Variants in ELP4 observed in about 807,000 individuals in gnomAD.
ELP4 encodes the protein elongator acetyltransferase complex subunit 4, also known as elongator complex protein 4.
Under a neutral mutation model 48.9 loss-of-function variants are expected in ELP4, and 51 were observed. The observed-to-expected ratio is 1.04, with a 90% CI of 0.83 to 1.32. The LOEUF (loss-of-function observed/expected upper bound fraction) is 1.32, where lower values mean the gene tolerates loss of function less well. Among genes scored for constraint, ELP4 ranks in the 40% most tolerant of loss-of-function variants. The pLI is 0.00. For synonymous variants in ELP4, 210 were observed against 189.2 expected (o/e 1.11, Z -0.90); for missense variants, 519 against 514.6 (o/e 1.01, Z -0.08).
intron 9 of ELP4, among the ~76,000 whole-genome samples, chr11:31,781,739 C>T (rs1173303371): frequency 6.6e-6 from 1 of 151,886 alleles, no homozygotes; most frequent in Non-Finnish European, 1.5e-5. Flanking sequence ...CCTCATGATC[C>T]GCCTGCCTCA....
intron 9 of ELP4, among the ~76,000 whole-genome samples, chr11:31,739,325 A>G (rs1291593322): frequency 6.6e-6 from 1 of 152,186 alleles, no homozygotes; most frequent in Non-Finnish European, 1.5e-5. Flanking sequence ...TGTGAGACTG[A>G]TATTTATTAT....
chr11:31,536,201 A>T (rs1592092655), intron 2 of ELP4, among the ~76,000 whole-genome samples: 1 of 140,728 alleles, frequency 7.1e-6, no homozygotes, highest in African/African-American at 3.0e-5. Context: ...TTTGGCTATT[A>T]AAAAAAAAAG....
At chr11:31,709,690 C>T (rs1175627942) in intron 9 of ELP4, among the ~76,000 whole-genome samples, 1 of 152,054 alleles carries the variant, frequency 6.6e-6, no homozygotes, top group African/African-American at 2.4e-5. Flanking sequence ...ATAAAAATAC[C>T]TATTTTGTTC....
intron 9 of ELP4, among the ~76,000 whole-genome samples, chr11:31,752,053 G>T (rs73477614): frequency 0.029 from 4,451 of 152,210 alleles, 186 homozygotes; most frequent in Admixed American, 0.097. Flanking sequence ...ACTAGATAGG[G>T]ATAATACGGG....
chr11:31,604,057 G>GAAAAA, intron 5 of ELP4, 150 bp downstream of exon 5: 1 of 586,724 alleles, frequency 1.7e-6, no homozygotes, highest in Non-Finnish European at 2.6e-6. Flanking sequence ...TCAAGTCTAT[G>GAAAAA]TATTTTTCAT....
In ELP4 at chr11:31,702,290, G is replaced by A. The variant is rs546908610; in HGVS notation, c.1143+52069G>A. The stretch of plus-strand genomic sequence containing the variant: ...TGCACTCCAGTCTGGGCAACAGAGC[G>A]AGATCTTGTCTCTAAAAATAATAAT... On this transcript the variant is annotated intron_variant, in intron 9 of 9. Transcript: ENST00000640961. Among the ~76,000 whole-genome samples the A allele has an allele frequency of 8.1e-5, 12 of 148,068 alleles. No individual in the cohort carries two copies. The South Asian group carries it at 2.0e-3, about 24-fold the overall frequency.
intron 3 of ELP4, among the ~76,000 whole-genome samples, chr11:31,553,929 T>C (rs1452861135): frequency 1.3e-5 from 2 of 152,164 alleles, no homozygotes; most frequent in Non-Finnish European, 2.9e-5. Context: ...TTACAGCTGC[T>C]CCCCATTGCT....
chr11:31,629,764 ATT>A (rs60923235), intron 6 of ELP4, among the ~76,000 whole-genome samples: 3,430 of 132,926 alleles, frequency 0.026, 107 homozygotes, highest in African/African-American at 0.074. Flanking sequence ...TACTATCTAG[ATT>A]TTTTTTTTTT....
At chr11:31,585,276 A>G (rs1217898597) in intron 3 of ELP4, among the ~76,000 whole-genome samples, 1 of 152,144 alleles carries the variant, frequency 6.6e-6, no homozygotes, top group Non-Finnish European at 1.5e-5. Context: ...AATTTAAACA[A>G]ATGTTTCACA....
Position 31,526,633 on chromosome 11 carries a change from G to A in ELP4, c.259+6542G>A, listed in dbSNP as rs1592084137. Among the ~76,000 whole-genome samples the A allele has an allele frequency of 2.0e-5, 3 of 152,056 alleles. 1 individual carries two copies. In the South Asian group the frequency reaches 6.2e-4, roughly 32 times the overall value. ...TTTTATCAGAGGAGAATTCACCCAA[G>A]TTCCTAAAATCAATCCTCAAAACTT... On this transcript the variant is annotated intron_variant, in intron 2 of 9. Coordinates refer to ENST00000640961, the MANE Select transcript of ELP4 (RefSeq NM_019040.5).
In ELP4 at chr11:31,627,203, T is replaced by C; in HGVS notation, c.738+9T>C. 3.0e-6 allele frequency: 4 copies of C among 1,355,000 alleles called. No homozygotes were observed. Among genetic ancestry groups the C allele is most frequent in the Non-Finnish European group, 4.0e-6 (4 of 1,002,120 alleles). The allele number at this position is 1,355,000 out of a possible 1,614,324, so 83.9% of individuals were successfully genotyped here. ...ATGGATCCAATCCTCAGGTATTAAA[T>C]AGCTTCAAAGTCTTTTATAATTATT... On this transcript the variant is annotated intron_variant, in intron 6 of 9. Transcript: ENST00000640961.
intron 9 of ELP4, among the ~76,000 whole-genome samples, chr11:31,705,985 T>G (rs770489672): frequency 2.6e-4 from 40 of 152,140 alleles, no homozygotes; most frequent in Non-Finnish European, 5.6e-4. Flanking sequence ...CCTGAGTAAC[T>G]AGGACTGCAG....
At chr11:31,782,923 A>T (rs1289308074) in intron 9 of ELP4, among the ~76,000 whole-genome samples, 1 of 152,222 alleles carries the variant, frequency 6.6e-6, no homozygotes, top group East Asian at 1.9e-4. Flanking sequence ...CAACTAATAG[A>T]CAAAGACAAA....
In ELP4 at chr11:31,647,675, T is replaced by C; in HGVS notation, c.928-66T>C. On this transcript the variant is annotated intron_variant, in intron 7 of 9. Coordinates refer to ENST00000640961, the MANE Select transcript of ELP4 (RefSeq NM_019040.5). ...AGTTTTTCATGAGATGGCATAGGGATATTTTATAGATATTATACTATTAAC... is the reference window on the plus strand; with the variant it reads ...AGTTTTTCATGAGATGGCATAGGGACATTTTATAGATATTATACTATTAAC... 3 of 962,210 alleles carry C rather than the reference T, an allele frequency of 3.1e-6. No homozygotes were observed. In the South Asian group the frequency reaches 4.2e-5, roughly 13 times the overall value. The allele number at this position is 962,210 out of a possible 1,614,324, so 59.6% of individuals were successfully genotyped here. A position where few individuals can be genotyped will look rare whatever the true frequency, so the allele number is the denominator to read the frequency against.
intron 3 of ELP4, among the ~76,000 whole-genome samples, chr11:31,583,103 A>G (rs1225664053): frequency 6.6e-6 from 1 of 152,152 alleles, no homozygotes; most frequent in Non-Finnish European, 1.5e-5. Flanking sequence ...CTCTTAGGGA[A>G]AAGTAAAGGA....
intron 9 of ELP4, among the ~76,000 whole-genome samples, chr11:31,687,115 G>A (rs988070540): frequency 5.3e-5 from 8 of 152,186 alleles, no homozygotes; most frequent in Non-Finnish European, 1.0e-4. Context: ...GTGACTAGAT[G>A]AGGTTGGTGT....
chr11:31,771,751 G>T (rs955132773), intron 9 of ELP4, among the ~76,000 whole-genome samples: 6 of 152,166 alleles, frequency 3.9e-5, no homozygotes, highest in Admixed American at 1.3e-4. Flanking sequence ...AGGCCAAGGC[G>T]GGCAGATCAC....
intron 9 of ELP4, among the ~76,000 whole-genome samples, chr11:31,723,721 C>G (rs1228880207): frequency 1.3e-5 from 2 of 152,174 alleles, no homozygotes; most frequent in Non-Finnish European, 2.9e-5. Context: ...ATGGAGGATT[C>G]AAACCCTGAC....
At chr11:31,559,646 G>T (rs1021230077) in intron 3 of ELP4, among the ~76,000 whole-genome samples, 1 of 152,156 alleles carries the variant, frequency 6.6e-6, no homozygotes, top group East Asian at 1.9e-4. Context: ...GCTCACCCCT[G>T]TAATCCTAGC....
Sources: gnomAD v4.1 joint callset for allele counts (sites outside exome capture counted in the v4.1 genomes callset) on GRCh38, gnomAD v4.1.1 for gene constraint, MANE v1.5 for transcripts, NCBI Gene and HGNC (gene_info 2026-07-23, HGNC 2026-07-21) for gene names.